The following PRELID2 variants were observed in gnomAD, a reference collection of about 807,000 sequenced individuals.
PRELID2 encodes PRELI domain-containing protein 2.
PRELID2 carries 25 observed loss-of-function variants against 28.4 expected under a neutral mutation model. The observed-to-expected ratio is 0.88, with a 90% confidence interval of 0.64 to 1.23. The LOEUF (loss-of-function observed/expected upper bound fraction) is 1.23. Ranked by LOEUF, PRELID2 falls within the 50% of genes most tolerant of loss-of-function variation. The pLI, the probability that PRELID2 is intolerant of heterozygous loss-of-function variation, is 0.00. For missense variants in PRELID2, 201 were observed against 214.4 expected (o/e 0.94, Z 0.39); for synonymous variants, 76 against 71.6 (o/e 1.06, Z -0.31).
intron 1 of PRELID2, among the ~76,000 whole-genome samples, chr5:145,686,830 G>T (rs1755046763): frequency 6.6e-6 from 1 of 152,004 alleles, no homozygotes; most frequent in African/African-American, 2.4e-5. Context: ...CTTTTAAAAA[G>T]AATTTTCCAA....
chr5:145,697,071 A>AT (rs1755292189), intron 1 of PRELID2, among the ~76,000 whole-genome samples: 1 of 126,826 alleles, frequency 7.9e-6, no homozygotes, highest in Non-Finnish European at 1.6e-5. Flanking sequence ...ATATATATAT[A>AT]TATATATATA....
chr5:145,677,311 C>T (rs946674907), intron 1 of PRELID2, among the ~76,000 whole-genome samples: 3 of 151,700 alleles, frequency 2.0e-5, no homozygotes, highest in East Asian at 1.9e-4. Context: ...TGTGCCACCA[C>T]GCCCAGCTAA....
chr5:145,440,025 G>A, the PRELID2 span, among the ~76,000 whole-genome samples: 1 of 152,052 alleles, frequency 6.6e-6, no homozygotes, highest in South Asian at 2.1e-4. Context: ...CTCTATCCCA[G>A]CAGGCTATCC....
chr5:145,656,296 T>C (rs1401447265), intron 1 of PRELID2, among the ~76,000 whole-genome samples: 1 of 152,292 alleles, frequency 6.6e-6, no homozygotes, highest in East Asian at 1.9e-4. Context: ...GCTTTTACAC[T>C]GTTGGTCGGA....
intron 1 of PRELID2, among the ~76,000 whole-genome samples, chr5:145,563,327 A>T (rs1213972651): frequency 6.6e-6 from 1 of 152,222 alleles, no homozygotes. Flanking sequence ...AGAAATGGAG[A>T]ATCAGATTCC....
At chr5:145,494,790 C>G (rs1752296502) in intron 1 of PRELID2, among the ~76,000 whole-genome samples, 1 of 152,062 alleles carries the variant, frequency 6.6e-6, no homozygotes, top group African/African-American at 2.4e-5. Flanking sequence ...AAATCTAAAG[C>G]TGCAAATCTC....
chr5:145,751,843 G>T (rs192967833), downstream of PRELID2, among the ~76,000 whole-genome samples: 45 of 152,190 alleles, frequency 3.0e-4, no homozygotes, highest in East Asian at 7.7e-3. Flanking sequence ...TTAGCTAGGC[G>T]TGGTGGCGGG....
chr5:145,676,225 A>G (rs1581048206), intron 1 of PRELID2, among the ~76,000 whole-genome samples: 2 of 147,026 alleles, frequency 1.4e-5, no homozygotes, highest in South Asian at 2.1e-4. Flanking sequence ...CATCTCAAAA[A>G]AAAAAAAAAA....
At chr5:145,324,274 C>G in the PRELID2 span, among the ~76,000 whole-genome samples, 1 of 152,086 alleles carries the variant, frequency 6.6e-6, no homozygotes, top group African/African-American at 2.4e-5. Context: ...TTCACAACTC[C>G]CAGCCTAGCC....
At chr5:145,543,671 T>C (rs901501973) in intron 1 of PRELID2, among the ~76,000 whole-genome samples, 4 of 152,038 alleles carry the variant, frequency 2.6e-5, no homozygotes, top group African/African-American at 9.7e-5. Flanking sequence ...GTGGCATTTG[T>C]GGGAAATATG....
intron 5 of PRELID2, among the ~76,000 whole-genome samples, chr5:145,779,018 A>C (rs1033262781): frequency 6.6e-6 from 1 of 152,234 alleles, no homozygotes. Context: ...TACTCAAAAA[A>C]TATGACCTGT....
At chr5:145,621,747 T>C (rs2149652295) in intron 1 of PRELID2, among the ~76,000 whole-genome samples, 1 of 152,176 alleles carries the variant, frequency 6.6e-6, no homozygotes, top group East Asian at 1.9e-4. Flanking sequence ...TATAGCTAGA[T>C]TGGAGGAATA....
chr5:145,428,445 G>T, the PRELID2 span, among the ~76,000 whole-genome samples: 18 of 152,068 alleles, frequency 1.2e-4, no homozygotes, highest in African/African-American at 4.1e-4. Context: ...AACTGTTCCT[G>T]CCTGCCTGAA....
the PRELID2 span, among the ~76,000 whole-genome samples, chr5:145,361,386 T>C: frequency 6.6e-6 from 1 of 152,144 alleles, no homozygotes; most frequent in Non-Finnish European, 1.5e-5. Context: ...AATAACACAA[T>C]TTTCATGATG....
intron 1 of PRELID2, among the ~76,000 whole-genome samples, chr5:145,598,838 G>A (rs896995036): frequency 6.6e-6 from 1 of 152,124 alleles, no homozygotes; most frequent in Admixed American, 6.6e-5. Flanking sequence ...TGCAATAATA[G>A]AAAATAACGG....
the PRELID2 span, among the ~76,000 whole-genome samples, chr5:145,373,330 TACG>T: frequency 2.2e-4 from 23 of 102,710 alleles, no homozygotes; most frequent in Non-Finnish European, 3.5e-4. Context: ...ATATATAATA[TACG>T]ATATATATTA....
intron 5 of PRELID2, among the ~76,000 whole-genome samples, chr5:145,778,177 G>T (rs1758536906): frequency 6.6e-6 from 1 of 152,174 alleles, no homozygotes; most frequent in African/African-American, 2.4e-5. Flanking sequence ...AGCAGATGTT[G>T]GGACAACCAG....
intron 5 of PRELID2, 68 bp from the exon 6 acceptor site, chr5:145,765,068 AC>A (rs1757666418): frequency 9.2e-7 from 1 of 1,088,164 alleles, no homozygotes; most frequent in African/African-American, 1.6e-5. Context: ...ATTTATCACA[AC>A]CTTTTCCCTT....
At chr5:145,343,594 A>G in the PRELID2 span, among the ~76,000 whole-genome samples, 1 of 151,858 alleles carries the variant, frequency 6.6e-6, no homozygotes, top group Non-Finnish European at 1.5e-5. Context: ...AGTCTAAACA[A>G]TGTACTTCAA....
Sources: gnomAD v4.1 joint callset for allele counts (sites outside exome capture counted in the v4.1 genomes callset) on GRCh38, gnomAD v4.1.1 for gene constraint, MANE v1.5 for transcripts, NCBI Gene and HGNC (gene_info 2026-07-23, HGNC 2026-07-21) for gene names.